The following TNFRSF1B variants were observed in gnomAD, a reference collection of about 807,000 sequenced individuals.
The protein encoded by TNFRSF1B is tumor necrosis factor receptor superfamily member 1B.
Under a neutral mutation model 44.6 loss-of-function variants are expected in TNFRSF1B, and 19 were observed. The observed-to-expected ratio is 0.43, with a 90% CI of 0.30 to 0.62. The LOEUF (loss-of-function observed/expected upper bound fraction) is 0.62, where lower values mean the gene tolerates loss of function less well. Among genes scored for constraint, TNFRSF1B ranks in the 20% least tolerant of loss-of-function variants. The pLI is 0.16. For missense variants in TNFRSF1B, 541 were observed against 619.9 expected (o/e 0.87, Z 1.35); for synonymous variants, 252 against 261.1 (o/e 0.97, Z 0.34).
intron 8 of TNFRSF1B, among the ~76,000 whole-genome samples, chr1:12,195,831 C>G (rs1388944542): frequency 6.6e-6 from 1 of 152,046 alleles, no homozygotes; most frequent in East Asian, 1.9e-4. Context: ...GATGAGTTTT[C>G]TCGACCTCAG....
rs747280935 is a variant in TNFRSF1B, at chr1:12,187,154, CTT to C, written c.79-1628_79-1627del. Among the ~76,000 whole-genome samples, 4 of 140,782 alleles carry C rather than the reference CTT, an allele frequency of 2.8e-5. No individual in the cohort carries two copies. Among genetic ancestry groups the C allele is most frequent in the Admixed American group, 7.1e-5 (1 of 14,114 alleles). The allele number at this position is 140,782 out of a possible 152,430, so 92.4% of individuals were successfully genotyped here. On this transcript the variant is annotated intron_variant, in intron 1 of 9. Transcript: ENST00000376259. The surrounding 1 kb of genome is among the most constrained non-coding windows in gnomAD (Gnocchi z 5.5). ...CCTTTGCTTTTCTCTTTTCTCCCCT[CTT>C]TTTTTTTTTTTTTCGAGATGGAGTT...
chr1:12,182,051 C>T (rs1163184637), intron 1 of TNFRSF1B, among the ~76,000 whole-genome samples: 1 of 152,210 alleles, frequency 6.6e-6, no homozygotes, highest in Non-Finnish European at 1.5e-5. Flanking sequence ...TGAGTGAGGA[C>T]ACAGAGGATC....
At chr1:12,184,598 C>T (rs1638937219) in intron 1 of TNFRSF1B, among the ~76,000 whole-genome samples, 2 of 152,228 alleles carry the variant, frequency 1.3e-5, no homozygotes, top group Non-Finnish European at 2.9e-5. Context: ...CTCAGCCGGC[C>T]TGGGGGCCAT....
intron 1 of TNFRSF1B, among the ~76,000 whole-genome samples, chr1:12,183,740 T>TCTATCTATCTAC (rs1484651268): frequency 7.6e-6 from 1 of 131,088 alleles, no homozygotes; most frequent in African/African-American, 2.7e-5. Context: ...TATCTATCTA[T>TCTATCTATCTAC]CTATCTATCT....
rs148125764 is a variant in TNFRSF1B, at chr1:12,201,124, G to C, written c.901-843G>C. Among the ~76,000 whole-genome samples, 278 of 152,142 alleles carry C rather than the reference G, an allele frequency of 1.8e-3. 1 individual carries two copies. Among genetic ancestry groups the C allele is most frequent in the African/African-American group, 6.3e-3 (260 of 41,504 alleles). ...ACAACAAAAAAATTAGCCAGGAGCAGTGACACGTGCCTGTGGTCTCAGCTA... is the reference window on the plus strand; with the variant it reads ...ACAACAAAAAAATTAGCCAGGAGCACTGACACGTGCCTGTGGTCTCAGCTA... On this transcript the variant is annotated intron_variant, in intron 8 of 9. Coordinates refer to ENST00000376259, the MANE Select transcript of TNFRSF1B (RefSeq NM_001066.3).
chr1:12,185,837 G>A (rs1638974851), intron 1 of TNFRSF1B, among the ~76,000 whole-genome samples: 1 of 152,216 alleles, frequency 6.6e-6, no homozygotes, highest in Admixed American at 6.5e-5. Context: ...ACAGCAAAGG[G>A]TAACCCCCAG....
At chr1:12,194,075 G>A in intron 7 of TNFRSF1B, 43 bp downstream of exon 7, 3 of 1,565,766 alleles carry the variant, frequency 1.9e-6, no homozygotes, top group Non-Finnish European at 2.6e-6. Context: ...TGTTCAGGAA[G>A]CTTTTGTGGG....
At chr1:12,183,768 GCTATCTATTCTAT>G (rs1638903542) in intron 1 of TNFRSF1B, among the ~76,000 whole-genome samples, 1 of 117,428 alleles carries the variant, frequency 8.5e-6, no homozygotes, top group South Asian at 2.9e-4. Context: ...TAGCTAGCTA[GCTATCTATTCTAT>G]CTACCTACCT....
intron 7 of TNFRSF1B, among the ~76,000 whole-genome samples, chr1:12,194,365 A>C (rs866343587): frequency 6.6e-6 from 1 of 152,048 alleles, no homozygotes; most frequent in Non-Finnish European, 1.5e-5. Flanking sequence ...ACGCATCCTC[A>C]GTGGAGGCGC....
In TNFRSF1B at chr1:12,198,231, C is replaced by T. The variant is rs17883976; in HGVS notation, c.900+3613C>T. On this transcript the variant is annotated intron_variant, in intron 8 of 9. Transcript: ENST00000376259. ...TCTGATAACAGGTGCGAACATTTAT[C>T]GGGTGTTGAACGGATGCCAGGCACT... Among the ~76,000 whole-genome samples, 870 of 152,126 alleles carry T rather than the reference C, an allele frequency of 5.7e-3. 11 individuals are homozygous for T. Among genetic ancestry groups the T allele is most frequent in the African/African-American group, 0.02 (827 of 41,500 alleles).
intron 2 of TNFRSF1B, among the ~76,000 whole-genome samples, chr1:12,190,458 CAAAAAAA>C (rs4044499): frequency 3.9e-4 from 24 of 61,534 alleles, no homozygotes; most frequent in African/African-American, 1.6e-3. Flanking sequence ...GATTCTGTCT[CAAAAAAA>C]AAAAAAAAAA....
Position 12,186,534 on chromosome 1 carries a change from G to A in TNFRSF1B, c.79-2262G>A, listed in dbSNP as rs377536373. On this transcript the variant is annotated intron_variant, in intron 1 of 9. Coordinates refer to ENST00000376259, the MANE Select transcript of TNFRSF1B (RefSeq NM_001066.3). The surrounding 1 kb of genome is among the most constrained non-coding windows in gnomAD (Gnocchi z 4.8). ...GTATCTCCCCTGCTCCTATATGTTA[G>A]GTACTGGAGTCCAGAGAGGTTAAGG... 1.1e-4 allele frequency among the ~76,000 whole-genome samples: 17 copies of A among 152,330 alleles called. No homozygotes were observed. The highest frequency in any genetic ancestry group is 3.8e-4 in the African/African-American group (16 of 41,576).
intron 8 of TNFRSF1B, among the ~76,000 whole-genome samples, chr1:12,197,041 G>A (rs1217907051): frequency 1.1e-4 from 17 of 151,214 alleles, no homozygotes; most frequent in Admixed American, 9.2e-4. Flanking sequence ...TCCGCCTCCC[G>A]GGTTCGAGTG....
chr1:12,206,599 G>T (rs5746063), intron 9 of TNFRSF1B, 141 bp from the exon 10 acceptor site: 22,314 of 890,412 alleles, frequency 0.025, 322 homozygotes, highest in Non-Finnish European at 0.029. Flanking sequence ...AGGTCACACA[G>T]CAGAGCTGGG....
intron 1 of TNFRSF1B, among the ~76,000 whole-genome samples, chr1:12,183,462 C>G (rs1157562492): frequency 6.6e-6 from 1 of 151,928 alleles, no homozygotes; most frequent in Non-Finnish European, 1.5e-5. Flanking sequence ...CTCTCTCTCT[C>G]TCTCTCTCTC....
intron 3 of TNFRSF1B, 112 bp downstream of exon 3, chr1:12,191,197 G>A: frequency 7.0e-7 from 1 of 1,430,072 alleles, no homozygotes; most frequent in Non-Finnish European, 9.5e-7. Context: ...GCTGGTTGTT[G>A]GAAGTGGCAC....
At chr1:12,196,379 TC>T (rs1454391560) in intron 8 of TNFRSF1B, among the ~76,000 whole-genome samples, 2 of 152,226 alleles carry the variant, frequency 1.3e-5, no homozygotes, top group Non-Finnish European at 2.9e-5. Context: ...TTCAGCAGCA[TC>T]TTTGGTCTTT....
chr1:12,189,680 G>A (rs773092769), intron 2 of TNFRSF1B, among the ~76,000 whole-genome samples: 21 of 152,242 alleles, frequency 1.4e-4, no homozygotes, highest in Non-Finnish European at 2.6e-4. Flanking sequence ...CATTTTAACG[G>A]TGGATGCAGA....
chr1:12,192,304 GTGTA>G (rs1197273779), intron 4 of TNFRSF1B, 123 bp from the exon 5 acceptor site: 7 of 733,166 alleles, frequency 9.5e-6, no homozygotes, highest in South Asian at 2.9e-5. Context: ...GTGTGTGTGT[GTGTA>G]AGGGGTGGAG....
Sources: allele counts gnomAD v4.1 joint callset (sites outside exome capture counted in the v4.1 genomes callset), GRCh38; gene constraint gnomAD v4.1.1; non-coding constraint Gnocchi (gnomAD v3.1); transcripts MANE v1.5; gene names NCBI Gene and HGNC (gene_info 2026-07-23, HGNC 2026-07-21).